Variants in ANXA2 observed in about 807,000 individuals in gnomAD.
ANXA2 encodes the protein annexin A2.
Under a neutral mutation model 47.3 loss-of-function variants are expected in ANXA2, and 28 were observed. The observed-to-expected ratio is 0.59, with a 90% CI of 0.44 to 0.81. The LOEUF (loss-of-function observed/expected upper bound fraction) is 0.81, where lower values mean the gene tolerates loss of function less well. Among genes scored for constraint, ANXA2 ranks in the 40% least tolerant of loss-of-function variants. The probability of loss-of-function intolerance (pLI) is 0.00; values close to 1 mark genes in which losing one functional copy is unlikely to be tolerated. For missense variants in ANXA2, 384 were observed against 414.3 expected (o/e 0.93, Z 0.64); for synonymous variants, 172 against 155.5 (o/e 1.11, Z -0.79).
intron 2 of ANXA2, 82 bp downstream of exon 2, chr15:60,385,946 G>A: frequency 2.2e-6 from 2 of 895,490 alleles, no homozygotes; most frequent in African/African-American, 3.3e-5. Flanking sequence ...TTCCTTAGAT[G>A]TACAAGGATA....
rs200955589 is a variant in ANXA2, at chr15:60,351,178, G to C, written c.837+15C>G. On this transcript the variant is annotated intron_variant, in intron 11 of 12. Coordinates refer to ENST00000451270, the MANE Select transcript of ANXA2 (RefSeq NM_004039.3). ...TGAGTGTGGAAACACAGCTCTCTCA[G>C]CCAGCTGCCCTTACCTTCATGGAGT... 1.2e-6 allele frequency: 2 copies of C among 1,613,692 alleles called. No individual in the cohort carries two copies. Among genetic ancestry groups the C allele is most frequent in the African/African-American group, 2.7e-5 (2 of 74,906 alleles).
chr15:60,392,445 T>A (rs546555491), intron 1 of ANXA2, among the ~76,000 whole-genome samples: 6 of 151,936 alleles, frequency 3.9e-5, no homozygotes, highest in Non-Finnish European at 8.8e-5. Flanking sequence ...TGTATTCTAT[T>A]GCTTCACTAC....
chr15:60,348,833 C>T (rs1009405958), intron 12 of ANXA2, among the ~76,000 whole-genome samples: 14 of 152,088 alleles, frequency 9.2e-5, no homozygotes, highest in African/African-American at 2.9e-4. Flanking sequence ...TCATGAACAC[C>T]GATGATCATT....
chr15:60,375,552 A>G (rs980586252), intron 3 of ANXA2, among the ~76,000 whole-genome samples: 2 of 152,246 alleles, frequency 1.3e-5, no homozygotes, highest in Non-Finnish European at 2.9e-5. Context: ...ATCTAAACCA[A>G]GAGACTCCTA....
chr15:60,385,006 C>T (rs1217914105), intron 2 of ANXA2, among the ~76,000 whole-genome samples: 1 of 152,128 alleles, frequency 6.6e-6, no homozygotes, highest in African/African-American at 2.4e-5. Context: ...ATTTATATTC[C>T]ACTTGATTCT....
chr15:60,387,835 A>G (rs1173354808), intron 1 of ANXA2, among the ~76,000 whole-genome samples: 1 of 152,188 alleles, frequency 6.6e-6, no homozygotes, highest in African/African-American at 2.4e-5. Context: ...GGAACAGGGG[A>G]ACATGGGCAT....
At chr15:60,349,602 A>G (rs1196955417) in intron 11 of ANXA2, among the ~76,000 whole-genome samples, 1 of 152,090 alleles carries the variant, frequency 6.6e-6, no homozygotes, top group Non-Finnish European at 1.5e-5. Flanking sequence ...CACAGTGTAC[A>G]CTGCCTGGGT....
At chr15:60,348,357 CAG>C (rs1895823235) in intron 12 of ANXA2, among the ~76,000 whole-genome samples, 1 of 152,182 alleles carries the variant, frequency 6.6e-6, no homozygotes, top group African/African-American at 2.4e-5. Flanking sequence ...TCAAAACAGA[CAG>C]ATGCTAAACT....
intron 1 of ANXA2, chr15:60,393,296 G>C (rs148674202): frequency 9.9e-7 from 1 of 1,013,966 alleles, no homozygotes; most frequent in Non-Finnish European, 1.2e-6. Context: ...TCTGGGGTTG[G>C]AGTGGGTGGA....
chr15:60,362,881 A>G (rs2062536495), intron 4 of ANXA2: 2 of 151,802 alleles, frequency 1.3e-5, no homozygotes, highest in African/African-American at 2.4e-5. Context: ...TAAAACCAAG[A>G]TCTAGGTTTT....
chr15:60,381,589 G>A (rs1479458930), intron 3 of ANXA2, among the ~76,000 whole-genome samples: 1 of 152,060 alleles, frequency 6.6e-6, no homozygotes. Flanking sequence ...CAAGAGGAAG[G>A]CTTTTACGCC....
At chr15:60,350,694 A>G (rs1895969405) in intron 11 of ANXA2, among the ~76,000 whole-genome samples, 1 of 152,204 alleles carries the variant, frequency 6.6e-6, no homozygotes, top group Admixed American at 6.5e-5. Flanking sequence ...GGTCTGATAG[A>G]CCCAGGTTCA....
chr15:60,393,853 T>C (rs946149189), intron 1 of ANXA2, among the ~76,000 whole-genome samples: 1 of 152,234 alleles, frequency 6.6e-6, no homozygotes, highest in East Asian at 1.9e-4. Context: ...TGGCACACGA[T>C]AGGCATTCAA....
At chr15:60,381,639 A>C (rs981974422) in intron 3 of ANXA2, among the ~76,000 whole-genome samples, 9 of 152,156 alleles carry the variant, frequency 5.9e-5, no homozygotes, top group African/African-American at 1.9e-4. Context: ...TTGAGGAAAT[A>C]CACTCATTCT....
intron 4 of ANXA2, 75 bp downstream of exon 4, chr15:60,364,354 A>G (rs1566936805): frequency 8.4e-7 from 1 of 1,192,810 alleles, no homozygotes; most frequent in Non-Finnish European, 1.2e-6. Flanking sequence ...GCCACAATTC[A>G]TGAAAAGAAA....
intron 3 of ANXA2, among the ~76,000 whole-genome samples, chr15:60,367,695 G>A (rs2062650810): frequency 9.5e-6 from 1 of 105,736 alleles, no homozygotes; most frequent in African/African-American, 4.2e-5. Context: ...GTGGTGGGGG[G>A]TCAGCCCCCG....
intron 3 of ANXA2, among the ~76,000 whole-genome samples, chr15:60,366,320 T>C (rs1294804191): frequency 2.8e-5 from 4 of 142,994 alleles, no homozygotes; most frequent in African/African-American, 1.1e-4. Flanking sequence ...GTCTGGGATA[T>C]GAGGAGCCCC....
At chr15:60,360,257 AAAAAC>A (rs374584181) in intron 5 of ANXA2, among the ~76,000 whole-genome samples, 6 of 152,308 alleles carry the variant, frequency 3.9e-5, no homozygotes, top group Middle Eastern at 3.4e-3. Context: ...ATCCATCTCA[AAAAAC>A]AAAACAAAAC....
At chr15:60,397,485 A>T in intron 1 of ANXA2, 1 of 260,760 alleles carries the variant, frequency 3.8e-6, no homozygotes, top group Non-Finnish European at 6.3e-6. Context: ...TGTTTCGAGT[A>T]CAGTAACTTA....
Sources: allele counts gnomAD v4.1 joint callset (sites outside exome capture counted in the v4.1 genomes callset), GRCh38; gene constraint gnomAD v4.1.1; transcripts MANE v1.5; gene names NCBI Gene and HGNC (gene_info 2026-07-23, HGNC 2026-07-21).